Variants in ITGA4 observed in about 807,000 individuals in gnomAD.
ITGA4 encodes the protein integrin alpha-4.
Under a neutral mutation model 133.6 loss-of-function variants are expected in ITGA4, and 63 were observed. That is an observed-to-expected ratio of 0.47 (90% CI 0.38 to 0.58). The LOEUF is 0.58. Among genes scored for constraint, ITGA4 ranks in the 20% least tolerant of loss-of-function variants. The probability of loss-of-function intolerance (pLI) is 0.00; values close to 1 mark genes in which losing one functional copy is unlikely to be tolerated. For synonymous variants in ITGA4, 483 were observed against 438.0 expected (o/e 1.10, Z -1.28); for missense variants, 1,076 against 1,252.7 (o/e 0.86, Z 2.13).
chr2:181,494,700 A>G (rs1686124389), intron 11 of ITGA4, 22 bp from the exon 12 acceptor site: 3 of 1,322,832 alleles, frequency 2.3e-6, no homozygotes, highest in Non-Finnish European at 3.3e-6. Flanking sequence ...ACTACTTCCC[A>G]CTCAACTTTC....
rs147790514 is a variant in ITGA4, at chr2:181,469,780, T to C, written c.320-5180T>C. On this transcript the variant is annotated intron_variant, in intron 2 of 27. Transcript: ENST00000397033. Reference sequence around the variant, plus strand: ...GTCCTTTGTAGGGACATGGATGAAATTGGAAATCATCATTCTCAGTAAACT... The same window carrying C: ...GTCCTTTGTAGGGACATGGATGAAACTGGAAATCATCATTCTCAGTAAACT... Among the ~76,000 whole-genome samples, 927 of 152,124 alleles carry C rather than the reference T, an allele frequency of 6.1e-3. 10 individuals are homozygous for C. The highest frequency in any genetic ancestry group is 0.021 in the African/African-American group (861 of 41,478).
intron 4 of ITGA4, among the ~76,000 whole-genome samples, chr2:181,478,144 T>G (rs1020683832): frequency 6.6e-6 from 1 of 152,062 alleles, no homozygotes; most frequent in East Asian, 1.9e-4. Flanking sequence ...TACTGTATGA[T>G]CTCACCTATC....
intron 6 of ITGA4, among the ~76,000 whole-genome samples, chr2:181,480,746 C>T (rs1559042146): frequency 1.3e-5 from 2 of 152,104 alleles, no homozygotes; most frequent in South Asian, 4.1e-4. Context: ...CCATGAAGCA[C>T]ATGGGTCTAA....
intron 2 of ITGA4, among the ~76,000 whole-genome samples, chr2:181,472,137 G>A (rs527649907): frequency 1.3e-5 from 2 of 152,278 alleles, no homozygotes; most frequent in South Asian, 2.1e-4. Context: ...GTTACCTGAT[G>A]GAGCTAAAAC....
chr2:181,497,515 A>G (rs773953416), intron 14 of ITGA4, among the ~76,000 whole-genome samples: 5 of 152,108 alleles, frequency 3.3e-5, no homozygotes, highest in Non-Finnish European at 7.4e-5. Context: ...ATTGAATCTC[A>G]GTTATTATAA....
rs1268663219 is a variant in ITGA4, at chr2:181,537,052, A to G, written c.*1525A>G. The G allele has an allele frequency of 1.3e-5, 6 of 444,670 alleles. No individual in the cohort carries two copies. The highest frequency in any genetic ancestry group is 2.7e-5 in the Non-Finnish European group (6 of 221,712). 27.5% of individuals were successfully genotyped at this position (444,670 alleles called of 1,614,324 possible). ...TTTGCGAAGGCATTTGAGTAGTGAA[A>G]TGTAAGCACAAAACCTCCTGAACCC... On this transcript the variant is annotated 3_prime_UTR_variant, in exon 28 of 28. Coordinates refer to ENST00000397033, the MANE Select transcript of ITGA4 (RefSeq NM_000885.6).
intron 10 of ITGA4, among the ~76,000 whole-genome samples, chr2:181,488,840 G>T (rs940930966): frequency 1.6e-4 from 24 of 152,304 alleles, no homozygotes; most frequent in African/African-American, 5.8e-4. Flanking sequence ...TTACAGGCAT[G>T]AGCCACTGCA....
intron 10 of ITGA4, among the ~76,000 whole-genome samples, chr2:181,490,183 G>A (rs544480805): frequency 3.2e-4 from 49 of 152,298 alleles, no homozygotes; most frequent in Middle Eastern, 6.8e-3. Context: ...CCAGGCCCAG[G>A]ATGTGGGGCC....
Position 181,535,658 on chromosome 2 carries a change from T to A in ITGA4, c.*131T>A. The stretch of plus-strand genomic sequence containing the variant: ...ACTCATGATCTTGTGACATATTATG[T>A]CTTCATGCAAGGGGAAAATCTCAGC... On this transcript the variant is annotated 3_prime_UTR_variant, in exon 28 of 28. Transcript: ENST00000397033. 8.3e-7 allele frequency: 1 copy of A among 1,198,816 alleles called. No homozygotes were observed. The highest frequency in any genetic ancestry group is 2.5e-5 in the East Asian group (1 of 39,630). 74.3% of individuals were successfully genotyped at this position (1,198,816 alleles called of 1,614,324 possible).
At position 181,535,395 on chromosome 2, in the gene ITGA4, T is replaced by C. The variant is rs562732716; in HGVS notation, c.3004-37T>C. On this transcript the variant is annotated intron_variant, in intron 27 of 27. Transcript: ENST00000397033. ...AGTATAGTAGATAAGAGAGTGTTCA[T>C]AACTATACACTAGTGATTATGTTAT... is the stretch of plus-strand genomic sequence containing the variant. 5 of 1,495,334 alleles carry C rather than the reference T, an allele frequency of 3.3e-6. No homozygotes were observed. In the South Asian group the frequency reaches 3.6e-5, roughly 11 times the overall value. 92.6% of individuals were successfully genotyped at this position (1,495,334 alleles called of 1,614,324 possible). A position where few individuals can be genotyped will look rare whatever the true frequency, so the allele number is the denominator to read the frequency against.
At chr2:181,457,247 G>GGGAGGCCCGGGCCA (rs1312174910), upstream of ITGA4, 3 of 187,152 alleles carry the variant, frequency 1.6e-5, no homozygotes, top group African/African-American at 4.8e-5. Flanking sequence ...TCTGCGGGCT[G>GGGAGGCCCGGGCCA]GGAGGCCCGG....
At position 181,534,409 on chromosome 2, in the gene ITGA4, GA is replaced by G. The variant is rs762114806; in HGVS notation, c.2883+43del. On this transcript the variant is annotated intron_variant, in intron 26 of 27. Transcript: ENST00000397033. ...CTTAACTGCTACATTAAAATTATAGGAAAACACATTTCAAGGGTGTCTATAA... is the reference window on the plus strand; with the variant it reads ...CTTAACTGCTACATTAAAATTATAGGAAACACATTTCAAGGGTGTCTATAA... The G allele has an allele frequency of 1.5e-4, 176 of 1,171,272 alleles. 2 individuals are homozygous for G. In the South Asian group the frequency reaches 1.6e-3, roughly 11 times the overall value. The allele number at this position is 1,171,272 out of a possible 1,614,324, so 72.6% of individuals were successfully genotyped here.
intron 16 of ITGA4, among the ~76,000 whole-genome samples, chr2:181,510,196 A>C (rs1433290006): frequency 6.6e-6 from 1 of 151,994 alleles, no homozygotes; most frequent in Non-Finnish European, 1.5e-5. Flanking sequence ...CTTTCATCCT[A>C]CTCACAGATT....
At chr2:181,522,440 G>A (rs1686740346) in intron 18 of ITGA4, 99 bp downstream of exon 18, 2 of 801,522 alleles carry the variant, frequency 2.5e-6, no homozygotes, top group Non-Finnish European at 3.8e-6. Flanking sequence ...TGGGGTATAA[G>A]TCTTAATATT....
At chr2:181,490,952 G>C (rs1190749776) in intron 10 of ITGA4, among the ~76,000 whole-genome samples, 1 of 152,164 alleles carries the variant, frequency 6.6e-6, no homozygotes, top group Non-Finnish European at 1.5e-5. Context: ...TGTATATTGT[G>C]TCCCAAATTA....
intron 7 of ITGA4, 110 bp from the exon 8 acceptor site, chr2:181,482,250 G>C: frequency 2.8e-6 from 3 of 1,077,344 alleles, no homozygotes; most frequent in Non-Finnish European, 2.6e-6. Context: ...TTTTATATTT[G>C]AGCAATTAAC....
chr2:181,537,908 C>G lies in ITGA4; in HGVS notation c.*2381C>G, dbSNP rs72883650. Reference sequence around the variant, plus strand: ...ATGGAGCATTACTGAGTTCCTCCCCCTGTCAGATCAGCAGCAGCATTAGAT... The same window carrying G: ...ATGGAGCATTACTGAGTTCCTCCCCGTGTCAGATCAGCAGCAGCATTAGAT... On this transcript the variant is annotated 3_prime_UTR_variant, in exon 28 of 28. Transcript: ENST00000397033. 5 of 569,914 alleles carry G rather than the reference C, an allele frequency of 8.8e-6. No individual in the cohort carries two copies. In the East Asian group the frequency reaches 1.6e-4, roughly 18 times the overall value. The allele number at this position is 569,914 out of a possible 1,614,324, so 35.3% of individuals were successfully genotyped here.
rs1008909617 is a variant in ITGA4 at position 181,516,685 on chromosome 2, A to G, written c.1922+4910A>G. On this transcript the variant is annotated intron_variant, in intron 17 of 27. Transcript: ENST00000397033. The surrounding 1 kb of genome is among the most constrained non-coding windows in gnomAD (Gnocchi z 4.0). ...ATCAATTATTTTGTTATTGTGATACATTCTCTGGAGTTGAACCTAGAGGTC... is the reference window on the plus strand; with the variant it reads ...ATCAATTATTTTGTTATTGTGATACGTTCTCTGGAGTTGAACCTAGAGGTC... Among the ~76,000 whole-genome samples the G allele has an allele frequency of 1.1e-4, 16 of 152,038 alleles. No individual in the cohort carries two copies. Among genetic ancestry groups the G allele is most frequent in the African/African-American group, 2.9e-4 (12 of 41,430 alleles).
chr2:181,463,657 A>G (rs576679322), intron 2 of ITGA4, among the ~76,000 whole-genome samples: 1 of 140,850 alleles, frequency 7.1e-6, no homozygotes, highest in Admixed American at 7.0e-5. Flanking sequence ...GTTTTCTGGC[A>G]AAATGATGAG....
Sources: allele counts gnomAD v4.1 joint callset (sites outside exome capture counted in the v4.1 genomes callset), GRCh38; gene constraint gnomAD v4.1.1; non-coding constraint Gnocchi (gnomAD v3.1); transcripts MANE v1.5; gene names NCBI Gene and HGNC (gene_info 2026-07-23, HGNC 2026-07-21).